The following TRANK1 variants were observed in gnomAD, a reference collection of about 807,000 sequenced individuals.
The protein encoded by TRANK1 is tetratricopeptide repeat and ankyrin repeat containing 1.
In TRANK1, 198 loss-of-function variants were observed where a neutral mutation model predicts 266.0. That is an observed-to-expected ratio of 0.74 (90% confidence interval 0.66 to 0.84). The LOEUF (loss-of-function observed/expected upper bound fraction) is 0.84. Ranked by LOEUF, TRANK1 falls within the 40% of genes least tolerant of loss-of-function variation. The probability of loss-of-function intolerance (pLI) is 0.00; values close to 1 mark genes in which losing one functional copy is unlikely to be tolerated. For synonymous variants in TRANK1, 1,396 were observed against 1,384.1 expected (o/e 1.01, Z -0.19); for missense variants, 3,326 against 3,634.6 (o/e 0.92, Z 2.18).
At chr3:36,830,448 A>T (rs965025362) in intron 22 of TRANK1, among the ~76,000 whole-genome samples, 1 of 152,236 alleles carries the variant, frequency 6.6e-6, no homozygotes, top group Non-Finnish European at 1.5e-5. Context: ...ACACTTCCAG[A>T]TCTTAGTCAG....
intron 1 of TRANK1, among the ~76,000 whole-genome samples, chr3:36,927,665 C>T (rs962470901): frequency 2.6e-5 from 4 of 152,206 alleles, no homozygotes; most frequent in African/African-American, 9.6e-5. Context: ...ACGCCACTGG[C>T]CCAGTGGTCG....
chr3:36,913,322 T>C (rs901671428), intron 1 of TRANK1, among the ~76,000 whole-genome samples: 17 of 152,144 alleles, frequency 1.1e-4, no homozygotes, highest in African/African-American at 3.9e-4. Flanking sequence ...AGTGCTGGGA[T>C]TACAGGCTTG....
chr3:36,893,014 T>TA (rs1201034845), intron 5 of TRANK1, 30 bp from the exon 6 acceptor site: 1 of 1,387,532 alleles, frequency 7.2e-7, no homozygotes, highest in Non-Finnish European at 9.6e-7. Context: ...AAGGCTGGAA[T>TA]AATAATGTTC....
chr3:36,933,001 T>A (rs1471330843), intron 1 of TRANK1, among the ~76,000 whole-genome samples: 1 of 152,210 alleles, frequency 6.6e-6, no homozygotes, highest in Non-Finnish European at 1.5e-5. Flanking sequence ...CTTTAATTCA[T>A]AGTACCCCCA....
intron 1 of TRANK1, among the ~76,000 whole-genome samples, chr3:36,927,751 C>A (rs895973213): frequency 3.3e-5 from 5 of 152,152 alleles, no homozygotes; most frequent in Admixed American, 6.5e-5. Flanking sequence ...GAATAATAAG[C>A]CAGATGCAAC....
intron 11 of TRANK1, among the ~76,000 whole-genome samples, chr3:36,859,260 T>G (rs1175366351): frequency 1.4e-5 from 2 of 146,828 alleles, no homozygotes; most frequent in African/African-American, 5.1e-5. Flanking sequence ...ACTTTCTACA[T>G]CCCTTGCTTC....
chr3:36,915,241 G>A (rs191698122), intron 1 of TRANK1, among the ~76,000 whole-genome samples: 4 of 152,276 alleles, frequency 2.6e-5, no homozygotes, highest in East Asian at 1.9e-4. Context: ...GTGAGCCACC[G>A]CGCCAGGCCT....
At chr3:36,921,889 C>T (rs2080218794) in intron 1 of TRANK1, among the ~76,000 whole-genome samples, 1 of 152,136 alleles carries the variant, frequency 6.6e-6, no homozygotes, top group Admixed American at 6.5e-5. Flanking sequence ...CACCTTTAAT[C>T]CCAAAACTTT....
chr3:36,835,545 T>C (rs2078760414), intron 20 of TRANK1, among the ~76,000 whole-genome samples: 1 of 151,824 alleles, frequency 6.6e-6, no homozygotes, highest in Admixed American at 6.6e-5. Context: ...TCACGTAACT[T>C]CCAAAAATAA....
chr3:36,883,762 A>T lies in TRANK1; in HGVS notation c.907+6067T>A, dbSNP rs528995800. On this transcript the variant is annotated intron_variant, in intron 8 of 23. Transcript: ENST00000645898. ...AAGTTCTGACTCCTAGAACCATGGT[A>T]ATATTTCACATGCCCTTCATATACC... is the stretch of plus-strand genomic sequence containing the variant. 1.6e-4 allele frequency among the ~76,000 whole-genome samples: 24 copies of T among 152,334 alleles called. No individual in the cohort carries two copies. The South Asian group carries it at 4.8e-3, about 30-fold the overall frequency.
chr3:36,912,614 A>G (rs974878004), intron 1 of TRANK1, among the ~76,000 whole-genome samples: 2 of 152,250 alleles, frequency 1.3e-5, no homozygotes, highest in Non-Finnish European at 2.9e-5. Flanking sequence ...AAGAAGATGC[A>G]AGAAAAATGC....
rs776771780 is a variant in TRANK1, at chr3:36,829,628, C to T, written c.8745G>A (p.Leu2915=). The change falls in exon 23 of 24, where the codon CTG becomes CTA. Residue 2915 remains leucine, a synonymous_variant. Transcript: ENST00000645898. The part of the protein sequence containing the change: ...EEAMTRLVNI[L]ILSVRDARDW... ...CTCGTGCATCCCTGACTGACAGGAT[C>T]AGAATGTTGACCAGCCGAGTCATCG... 1 of 1,613,982 alleles carries T rather than the reference C, an allele frequency of 6.2e-7. No individual in the cohort carries two copies. Among genetic ancestry groups the T allele is most frequent in the Non-Finnish European group, 8.5e-7 (1 of 1,179,888 alleles).
chr3:36,846,473 G>C (rs2078916441), intron 16 of TRANK1, 69 bp from the exon 17 acceptor site: 3 of 1,496,618 alleles, frequency 2.0e-6, no homozygotes, highest in Non-Finnish European at 2.7e-6. Flanking sequence ...ACACTTCAAT[G>C]GGCTTACTCT....
chr3:36,913,672 G>A (rs976032427), intron 1 of TRANK1, among the ~76,000 whole-genome samples: 1 of 152,098 alleles, frequency 6.6e-6, no homozygotes, highest in African/African-American at 2.4e-5. Context: ...GGGTACAAAT[G>A]TGGGACAAGA....
rs574702296 is a variant in TRANK1, at chr3:36,837,377, G to C, written c.5517+995C>G. Among the ~76,000 whole-genome samples the C allele has an allele frequency of 5.9e-5, 9 of 152,176 alleles. No homozygotes were observed. The East Asian group carries it at 1.7e-3, about 29-fold the overall frequency. On this transcript the variant is annotated intron_variant, in intron 20 of 23. Coordinates refer to ENST00000645898, the MANE Select transcript of TRANK1 (RefSeq NM_001329998.2). Reference sequence around the variant, plus strand: ...TTATCCTCTTCTTCGCATTGACTTGGGGCCACACTTCAAACTTCCCAGTAG... The same window carrying C: ...TTATCCTCTTCTTCGCATTGACTTGCGGCCACACTTCAAACTTCCCAGTAG...
At chr3:36,862,864 C>T (rs940593011) in intron 10 of TRANK1, among the ~76,000 whole-genome samples, 1 of 152,132 alleles carries the variant, frequency 6.6e-6, no homozygotes, top group African/African-American at 2.4e-5. Context: ...CTGAAGCCAG[C>T]TGTACTTGAA....
In TRANK1 at chr3:36,874,191, A is replaced by G; in HGVS notation, c.1013T>C (p.Phe338Ser). 2 of 1,537,314 alleles carry G rather than the reference A, an allele frequency of 1.3e-6. No homozygotes were observed. The highest frequency in any genetic ancestry group is 1.7e-6 in the Non-Finnish European group (2 of 1,146,908). The change falls in exon 9 of 24, where the codon TTC becomes TCC. Residue 338 changes from phenylalanine (F) to serine (S), a missense_variant. Physicochemically the swap from Phe to Ser is radical, Grantham distance 155 (BLOSUM62 -2). Transcript: ENST00000645898. ...ACTGTTGATTTTCTCGATGGCTTTG[A>G]AGTTCTTATTCCTCTTCAGGACATC... ...VVDVLKRNKN[F>S]KAIEKINSHL...
intron 17 of TRANK1, among the ~76,000 whole-genome samples, chr3:36,844,226 GT>G (rs1218320588): frequency 1.3e-5 from 2 of 151,908 alleles, no homozygotes; most frequent in Non-Finnish European, 1.5e-5. Flanking sequence ...TTTGTTTTTT[GT>G]TTTTTGTTTT....
intron 1 of TRANK1, among the ~76,000 whole-genome samples, chr3:36,927,966 A>C (rs1378508139): frequency 2.0e-5 from 3 of 152,186 alleles, no homozygotes; most frequent in African/African-American, 7.2e-5. Context: ...GTCAGGAACT[A>C]AATTCTCGTG....
Sources: allele counts gnomAD v4.1 joint callset (sites outside exome capture counted in the v4.1 genomes callset), GRCh38; gene constraint gnomAD v4.1.1; transcripts MANE v1.5; gene names NCBI Gene and HGNC (gene_info 2026-07-23, HGNC 2026-07-21).